Variants in CNTNAP2 observed in about 807,000 individuals in gnomAD.
CNTNAP2 encodes contactin associated protein 2, also known as contactin-associated protein-like 2.
CNTNAP2 carries 98 observed loss-of-function variants against 155.2 expected under a neutral mutation model. The ratio of observed to expected loss-of-function variants is 0.63; its 90% confidence interval spans 0.54 to 0.75. The LOEUF (loss-of-function observed/expected upper bound fraction) is 0.75. CNTNAP2 is among the 30% of genes least tolerant of loss of function. The pLI is 0.00. For synonymous variants in CNTNAP2, 651 were observed against 631.2 expected (o/e 1.03, Z -0.47); for missense variants, 1,727 against 1,688.1 (o/e 1.02, Z -0.40).
At chr7:147,681,583 T>G (rs1393016461) in intron 13 of CNTNAP2, among the ~76,000 whole-genome samples, 1 of 151,964 alleles carries the variant, frequency 6.6e-6, no homozygotes, top group Non-Finnish European at 1.5e-5. Flanking sequence ...GTCTCTGACA[T>G]GCAGAAATGA....
chr7:147,628,431 C>G lies in CNTNAP2; in HGVS notation c.1898-10675C>G, dbSNP rs868841776. On this transcript the variant is annotated intron_variant, in intron 12 of 23. Transcript: ENST00000361727. ...AAAGTCTTTTTCAGACAAACAAATG[C>G]TGAGAAAATTTGCCACAACTAAGCC... 3.2e-4 allele frequency among the ~76,000 whole-genome samples: 48 copies of G among 152,220 alleles called. No homozygotes were observed. In the Middle Eastern group the frequency reaches 0.014, roughly 43 times the overall value.
intron 9 of CNTNAP2, among the ~76,000 whole-genome samples, chr7:147,390,989 T>C (rs905962220): frequency 1.3e-5 from 2 of 152,012 alleles, no homozygotes; most frequent in Non-Finnish European, 2.9e-5. Flanking sequence ...TTCCAGGACC[T>C]CATTGTCTAA....
intron 1 of CNTNAP2, among the ~76,000 whole-genome samples, chr7:146,528,309 TC>T (rs1797720542): frequency 6.6e-6 from 1 of 152,204 alleles, no homozygotes; most frequent in South Asian, 2.1e-4. Context: ...TGGGTTCAAT[TC>T]CTGTTCTGTG....
intron 12 of CNTNAP2, among the ~76,000 whole-genome samples, chr7:147,582,686 A>C (rs2051873): frequency 0.69 from 104,424 of 151,490 alleles, 36,536 homozygotes; most frequent in African/African-American, 0.81. Flanking sequence ...GAATATATTT[A>C]TTTTATTATT....
chr7:147,741,184 G>A (rs1584931908), intron 13 of CNTNAP2, among the ~76,000 whole-genome samples: 2 of 152,196 alleles, frequency 1.3e-5, no homozygotes, highest in South Asian at 2.1e-4. Flanking sequence ...TTACAGCACT[G>A]GCCGCAGCAC....
At chr7:146,788,671 G>GT (rs796501136) in intron 2 of CNTNAP2, among the ~76,000 whole-genome samples, 7 of 151,362 alleles carry the variant, frequency 4.6e-5, no homozygotes, top group South Asian at 2.1e-4. Flanking sequence ...TGGTCTTCAG[G>GT]TTTTTTTTTA....
chr7:148,187,674 A>G (rs545279794), intron 18 of CNTNAP2, among the ~76,000 whole-genome samples: 1 of 152,340 alleles, frequency 6.6e-6, no homozygotes, highest in East Asian at 1.9e-4. Flanking sequence ...AGAGGAATTC[A>G]GTGTACAACT....
intron 8 of CNTNAP2, among the ~76,000 whole-genome samples, chr7:147,292,541 C>T (rs1805337637): frequency 6.6e-6 from 1 of 151,936 alleles, no homozygotes; most frequent in South Asian, 2.1e-4. Context: ...CGGTTAGAAT[C>T]GCATGGTATG....
chr7:146,972,485 G>C lies in CNTNAP2; in HGVS notation c.403-71422G>C, dbSNP rs138131427. The stretch of plus-strand genomic sequence containing the variant: ...ACAGAATGGAATACATAGCACAAAA[G>C]AATTATTTACTATCTGTGTATGAAC... On this transcript the variant is annotated intron_variant, in intron 3 of 23. Transcript: ENST00000361727. Among the ~76,000 whole-genome samples, 370 of 152,148 alleles carry C rather than the reference G, an allele frequency of 2.4e-3. 3 individuals carry two copies. Among genetic ancestry groups the C allele is most frequent in the African/African-American group, 8.3e-3 (344 of 41,540 alleles).
At chr7:146,359,825 T>C (rs899304479) in intron 1 of CNTNAP2, among the ~76,000 whole-genome samples, 18 of 152,176 alleles carry the variant, frequency 1.2e-4, no homozygotes, top group Admixed American at 1.3e-4. Flanking sequence ...CATGCATGTG[T>C]GGGCGTGTGA....
At chr7:146,735,626 T>C (rs1257306562) in intron 1 of CNTNAP2, among the ~76,000 whole-genome samples, 1 of 152,184 alleles carries the variant, frequency 6.6e-6, no homozygotes, top group Non-Finnish European at 1.5e-5. Context: ...ATTGTGGCTA[T>C]ACACCTCTAC....
intron 9 of CNTNAP2, among the ~76,000 whole-genome samples, chr7:147,341,939 G>T (rs1033451912): frequency 6.6e-6 from 1 of 152,128 alleles, no homozygotes; most frequent in Non-Finnish European, 1.5e-5. Flanking sequence ...CATAGACCAT[G>T]AGGCTTAAAC....
chr7:147,248,172 G>A (rs1302698324), intron 8 of CNTNAP2, among the ~76,000 whole-genome samples: 1 of 152,166 alleles, frequency 6.6e-6, no homozygotes, highest in Non-Finnish European at 1.5e-5. Context: ...GATTTAGATA[G>A]TGCCAAAGAC....
intron 1 of CNTNAP2, among the ~76,000 whole-genome samples, chr7:146,491,765 T>C (rs1342071545): frequency 6.6e-6 from 1 of 152,188 alleles, no homozygotes; most frequent in East Asian, 1.9e-4. Flanking sequence ...AAGAAAATAT[T>C]GATTTTTGAT....
intron 15 of CNTNAP2, among the ~76,000 whole-genome samples, chr7:148,018,479 C>T (rs1802219813): frequency 1.3e-5 from 2 of 152,076 alleles, no homozygotes; most frequent in Admixed American, 6.5e-5. Context: ...CAAGTACTAA[C>T]AGCTAAGGGG....
intron 15 of CNTNAP2, among the ~76,000 whole-genome samples, chr7:148,034,229 G>A (rs1379602352): frequency 6.6e-6 from 1 of 152,190 alleles, no homozygotes; most frequent in Non-Finnish European, 1.5e-5. Context: ...CACATTAGAG[G>A]TTATAAGAGG....
chr7:147,770,907 A>T (rs1797458479), intron 13 of CNTNAP2, among the ~76,000 whole-genome samples: 1 of 152,244 alleles, frequency 6.6e-6, no homozygotes, highest in South Asian at 2.1e-4. Context: ...AAAACATTCT[A>T]GAAGAAGAAC....
chr7:147,273,829 A>C (rs1804823403), intron 8 of CNTNAP2, among the ~76,000 whole-genome samples: 1 of 147,404 alleles, frequency 6.8e-6, no homozygotes, highest in Admixed American at 6.8e-5. Context: ...TTTTATGTAT[A>C]AAAATGTAAT....
intron 2 of CNTNAP2, among the ~76,000 whole-genome samples, chr7:146,817,281 G>A (rs1803190560): frequency 6.6e-6 from 1 of 152,020 alleles, no homozygotes; most frequent in Admixed American, 6.6e-5. Context: ...AGACCAGCCT[G>A]GCTAACATGG....
Sources: gnomAD v4.1 joint callset for allele counts (sites outside exome capture counted in the v4.1 genomes callset) on GRCh38, gnomAD v4.1.1 for gene constraint, MANE v1.5 for transcripts, NCBI Gene and HGNC (gene_info 2026-07-23, HGNC 2026-07-21) for gene names.